Variants in ROBO2 observed in about 807,000 individuals in gnomAD.
ROBO2 encodes the protein roundabout guidance receptor 2, also known as roundabout homolog 2.
ROBO2 carries 53 observed loss-of-function variants against 160.8 expected under a neutral mutation model. The observed-to-expected ratio is 0.33, with a 90% CI of 0.26 to 0.41. ROBO2 has a LOEUF of 0.41. Ranked by LOEUF, ROBO2 falls within the 10% of genes least tolerant of loss-of-function variation. The pLI, the probability that ROBO2 is intolerant of heterozygous loss-of-function variation, is 1.00. For missense variants in ROBO2, 1,577 were observed against 1,722.4 expected (o/e 0.92, Z 1.49); for synonymous variants, 664 against 611.7 (o/e 1.09, Z -1.26).
chr3:77,479,966 T>A (rs2084487511), intron 3 of ROBO2, among the ~76,000 whole-genome samples: 1 of 152,094 alleles, frequency 6.6e-6, no homozygotes, highest in African/African-American at 2.4e-5. Context: ...TTGCTGTAGT[T>A]CCATTGGTCA....
intron 1 of ROBO2, among the ~76,000 whole-genome samples, chr3:77,069,769 T>C (rs1418510436): frequency 6.6e-6 from 1 of 152,052 alleles, no homozygotes; most frequent in African/African-American, 2.4e-5. Context: ...CTTGATAGAG[T>C]CCTTGAGGGG....
chr3:76,135,450 C>A (rs2071394827), intron 2 of ROBO2, among the ~76,000 whole-genome samples: 1 of 151,904 alleles, frequency 6.6e-6, no homozygotes, highest in Non-Finnish European at 1.5e-5. Context: ...TTGTGTGCTA[C>A]TTTTGTATAA....
chr3:76,750,068 A>T (rs1200500291), intron 2 of ROBO2, among the ~76,000 whole-genome samples: 40 of 152,172 alleles, frequency 2.6e-4, no homozygotes, highest in Admixed American at 2.6e-3. Flanking sequence ...GGCAAACTGT[A>T]TCCAGCAGCA....
chr3:77,119,839 A>C (rs2074571891), intron 2 of ROBO2, among the ~76,000 whole-genome samples: 1 of 152,326 alleles, frequency 6.6e-6, no homozygotes, highest in South Asian at 2.1e-4. Context: ...ATCGACATGT[A>C]ATGATTTTTC....
chr3:76,514,220 T>C (rs1225817997), intron 2 of ROBO2, among the ~76,000 whole-genome samples: 1 of 152,166 alleles, frequency 6.6e-6, no homozygotes, highest in Non-Finnish European at 1.5e-5. Context: ...TCCTGTGTTT[T>C]TTATAAACTG....
chr3:76,539,947 C>T (rs941279668), intron 2 of ROBO2, among the ~76,000 whole-genome samples: 1 of 152,058 alleles, frequency 6.6e-6, no homozygotes, highest in African/African-American at 2.4e-5. Flanking sequence ...AAATCTGTAC[C>T]CAGTTTTTGG....
chr3:77,393,072 T>C (rs971404093), intron 2 of ROBO2, among the ~76,000 whole-genome samples: 4 of 152,174 alleles, frequency 2.6e-5, no homozygotes, highest in African/African-American at 9.6e-5. Flanking sequence ...AGAGCTCTGT[T>C]TTCCTGGTTA....
intron 2 of ROBO2, among the ~76,000 whole-genome samples, chr3:76,214,337 C>T (rs574908395): frequency 6.6e-6 from 1 of 152,278 alleles, no homozygotes; most frequent in South Asian, 2.1e-4. Context: ...GTGCAGTACA[C>T]CGAGCATGAG....
chr3:77,533,376 G>C (rs535232479), intron 6 of ROBO2, among the ~76,000 whole-genome samples: 54 of 152,182 alleles, frequency 3.5e-4, no homozygotes, highest in Admixed American at 1.7e-3. Flanking sequence ...TCATTCTATA[G>C]GTCCCAAATG....
At chr3:77,143,080 A>G (rs2076832781) in intron 2 of ROBO2, among the ~76,000 whole-genome samples, 1 of 150,998 alleles carries the variant, frequency 6.6e-6, no homozygotes, top group African/African-American at 2.4e-5. Flanking sequence ...TAATACCAGC[A>G]AGCAAACCAA....
chr3:77,626,433 T>C (rs554316372), intron 23 of ROBO2, among the ~76,000 whole-genome samples: 4 of 152,346 alleles, frequency 2.6e-5, no homozygotes, highest in African/African-American at 9.6e-5. Context: ...ACCTATTTGA[T>C]TGTAATAAAA....
At chr3:77,206,199 T>A (rs1188152436) in intron 2 of ROBO2, among the ~76,000 whole-genome samples, 2 of 152,130 alleles carry the variant, frequency 1.3e-5, no homozygotes, top group Non-Finnish European at 2.9e-5. Context: ...GACAGAATTT[T>A]GCTCTTGTTG....
intron 2 of ROBO2, among the ~76,000 whole-genome samples, chr3:76,376,089 C>T (rs1440529393): frequency 6.6e-6 from 1 of 152,066 alleles, no homozygotes; most frequent in Non-Finnish European, 1.5e-5. Context: ...ATGCAAAGTA[C>T]TTATCATATT....
At chr3:77,179,839 T>C (rs775389017) in intron 2 of ROBO2, among the ~76,000 whole-genome samples, 1 of 152,150 alleles carries the variant, frequency 6.6e-6, no homozygotes, top group East Asian at 1.9e-4. Context: ...GCGGTTAAAC[T>C]GTCTCTTACA....
chr3:77,397,279 CAAACTACATCA>C (rs2075368405), intron 2 of ROBO2, among the ~76,000 whole-genome samples: 1 of 152,136 alleles, frequency 6.6e-6, no homozygotes, highest in Non-Finnish European at 1.5e-5. Flanking sequence ...TCTGTGAAAT[CAAACTACATCA>C]AAACTTTCAC....
chr3:77,428,337 A>ATTTTTTTTTTTTTTTTTTTT (rs1491236295), intron 2 of ROBO2, among the ~76,000 whole-genome samples: 5 of 128,224 alleles, frequency 3.9e-5, no homozygotes, highest in African/African-American at 1.5e-4. Flanking sequence ...AACTTAGGTA[A>ATTTTTTTTTTTTTTTTTTTT]TATTTTTTTT....
chr3:76,484,895 T>C (rs928167873), intron 2 of ROBO2, among the ~76,000 whole-genome samples: 1 of 152,130 alleles, frequency 6.6e-6, no homozygotes, highest in Non-Finnish European at 1.5e-5. Flanking sequence ...TCCTATTAAC[T>C]AGGGACATTT....
At chr3:75,978,254 G>C (rs376548038) in intron 2 of ROBO2, among the ~76,000 whole-genome samples, 1 of 151,436 alleles carries the variant, frequency 6.6e-6, no homozygotes, top group African/African-American at 2.4e-5. Flanking sequence ...CATAAGTCTA[G>C]TGAATACACT....
At chr3:76,006,896 A>G (rs1449524389) in intron 2 of ROBO2, among the ~76,000 whole-genome samples, 1 of 152,132 alleles carries the variant, frequency 6.6e-6, no homozygotes, top group Non-Finnish European at 1.5e-5. Flanking sequence ...CAAGTAAGTT[A>G]TAGTGGTTTT....
Sources: gnomAD v4.1 joint callset for allele counts (sites outside exome capture counted in the v4.1 genomes callset) on GRCh38, gnomAD v4.1.1 for gene constraint, MANE v1.5 for transcripts, NCBI Gene and HGNC (gene_info 2026-07-23, HGNC 2026-07-21) for gene names.